The following CSE1L variants were observed in gnomAD, a reference collection of about 807,000 sequenced individuals.
CSE1L encodes the protein chromosome segregation 1 like.
CSE1L carries 24 observed loss-of-function variants against 120.4 expected under a neutral mutation model. That is an observed-to-expected ratio of 0.20 (90% CI 0.14 to 0.28). The LOEUF (loss-of-function observed/expected upper bound fraction) is 0.28. Among genes scored for constraint, CSE1L ranks in the 10% least tolerant of loss-of-function variants. The pLI, the probability that CSE1L is intolerant of heterozygous loss-of-function variation, is 1.00. For synonymous variants in CSE1L, 402 were observed against 398.3 expected (o/e 1.01, Z -0.11); for missense variants, 830 against 1,145.2 (o/e 0.72, Z 3.97).
intron 19 of CSE1L, 136 bp from the exon 20 acceptor site, chr20:49,090,606 A>T: frequency 1.5e-6 from 1 of 686,270 alleles, no homozygotes; most frequent in Non-Finnish European, 2.5e-6. Context: ...ATTGTTCCCC[A>T]TATGTTTCAG....
At chr20:49,092,004 C>T (rs1311574209) in intron 21 of CSE1L, 42 bp from the exon 22 acceptor site, 9 of 1,078,200 alleles carry the variant, frequency 8.3e-6, no homozygotes, top group Middle Eastern at 2.0e-4. Flanking sequence ...CAGTTTAGTG[C>T]GTGAGTTCTC....
At chr20:49,092,782 G>T (rs1390256683) in intron 22 of CSE1L, among the ~76,000 whole-genome samples, 2 of 151,530 alleles carry the variant, frequency 1.3e-5, no homozygotes, top group African/African-American at 4.8e-5. Flanking sequence ...AAACCTGCAC[G>T]TTGTGCACAT....
chr20:49,070,082 A>G (rs1033562564), intron 7 of CSE1L, 123 bp from the exon 8 acceptor site: 8 of 536,196 alleles, frequency 1.5e-5, no homozygotes, highest in Non-Finnish European at 2.3e-5. Flanking sequence ...TCTTGTCAGA[A>G]TAGGTAATGC....
At chr20:49,048,350 T>C (rs1568757997) in intron 1 of CSE1L, among the ~76,000 whole-genome samples, 1 of 152,284 alleles carries the variant, frequency 6.6e-6, no homozygotes, top group East Asian at 1.9e-4. Context: ...ATTTGTTTCT[T>C]TATTCATTTA....
intron 21 of CSE1L, among the ~76,000 whole-genome samples, 155 bp from the exon 22 acceptor site, chr20:49,091,891 A>G (rs1374575310): frequency 6.6e-6 from 1 of 152,242 alleles, no homozygotes; most frequent in African/African-American, 2.4e-5. Flanking sequence ...AAGGTCTATG[A>G]CAGAAAGACA....
intron 16 of CSE1L, among the ~76,000 whole-genome samples, chr20:49,085,645 C>T (rs2092050591): frequency 7.7e-6 from 1 of 130,262 alleles, no homozygotes. Flanking sequence ...GATCTCAGCT[C>T]ACTGCCACCT....
At position 49,075,371 on chromosome 20, in the gene CSE1L, T is replaced by G. The variant is rs1478307790; in HGVS notation, c.1186T>G (p.Phe396Val). The change falls in exon 12 of 25, where the codon TTT becomes GTT. Residue 396 changes from phenylalanine (F) to valine (V), a missense_variant. Physicochemically the swap from Phe to Val is conservative, Grantham distance 50. Transcript: ENST00000262982. ...TGATCTGGTACGAGGATTATGCAAG[T>G]TTTTTGAGGGACCTGTGACAGGAAT... ...ACDLVRGLCK[F>V]FEGPVTGIFS... is the part of the protein sequence containing the mutation. 3.1e-6 allele frequency: 5 copies of G among 1,613,970 alleles called. No individual in the cohort carries two copies. Among genetic ancestry groups the G allele is most frequent in the Non-Finnish European group, 4.2e-6 (5 of 1,180,000 alleles).
Position 49,088,054 on chromosome 20 carries a change from A to G in CSE1L, c.1769A>G (p.Tyr590Cys). The change falls in exon 17 of 25, where the codon TAC becomes TGC. Residue 590 changes from tyrosine (Y) to cysteine (C), a missense_variant. Coordinates refer to ENST00000262982, the MANE Select transcript of CSE1L (RefSeq NM_001316.4). Reference protein sequence around the residue: ...FSLLQEAIIPYIPTLITQLTQ... With the variant: ...FSLLQEAIIPCIPTLITQLTQ... The stretch of plus-strand genomic sequence containing the variant: ...CTCCTACAAGAAGCCATAATCCCCT[A>G]CATCCCTACTCTCATCACTCAGCTT... The G allele has an allele frequency of 1.9e-6, 3 of 1,612,972 alleles. No individual in the cohort carries two copies. Among genetic ancestry groups the G allele is most frequent in the Non-Finnish European group, 1.7e-6 (2 of 1,179,526 alleles).
chr20:49,093,370 T>C (rs2092115520), intron 22 of CSE1L, among the ~76,000 whole-genome samples: 1 of 152,100 alleles, frequency 6.6e-6, no homozygotes, highest in African/African-American at 2.4e-5. Context: ...CATTTAGAAT[T>C]ACGGAAAACT....
In CSE1L at chr20:49,078,634, T is replaced by C. The variant is rs1290179097; in HGVS notation, c.1482+12T>C. On this transcript the variant is annotated intron_variant, in intron 14 of 24. Coordinates refer to ENST00000262982, the MANE Select transcript of CSE1L (RefSeq NM_001316.4). ...TTTTTAGAAATCAAGTAAGTAGCTT[T>C]TTATTTGTTACACGCCACTTAATCT... The C allele has an allele frequency of 1.3e-6, 2 of 1,528,622 alleles. No individual in the cohort carries two copies. Among genetic ancestry groups the C allele is most frequent in the Non-Finnish European group, 1.8e-6 (2 of 1,122,452 alleles). 94.7% of individuals were successfully genotyped at this position (1,528,622 alleles called of 1,614,324 possible).
intron 10 of CSE1L, 101 bp from the exon 11 acceptor site, chr20:49,074,684 G>T: frequency 1.2e-6 from 1 of 833,092 alleles, no homozygotes; most frequent in Non-Finnish European, 1.9e-6. Flanking sequence ...CGAATTCTTT[G>T]CTGTAGAACA....
intron 1 of CSE1L, among the ~76,000 whole-genome samples, chr20:49,055,429 A>C (rs866559286): frequency 6.6e-6 from 1 of 152,194 alleles, no homozygotes; most frequent in Non-Finnish European, 1.5e-5. Flanking sequence ...TTTTAAAAAT[A>C]AATGGGTCCC....
rs2092143042 is a variant in CSE1L at position 49,096,593 on chromosome 20, G to T, written c.*155G>T. 1 of 640,978 alleles carries T rather than the reference G, an allele frequency of 1.6e-6. No individual in the cohort carries two copies. The highest frequency in any genetic ancestry group is 2.7e-6 in the Non-Finnish European group (1 of 368,710). 39.7% of individuals were successfully genotyped at this position (640,978 alleles called of 1,614,324 possible). On this transcript the variant is annotated 3_prime_UTR_variant, in exon 25 of 25. Coordinates refer to ENST00000262982, the MANE Select transcript of CSE1L (RefSeq NM_001316.4). ...TAAATGTTGCTTTAACCTGAACCTTGAGCAAATTAGTTGGTTTGTGTGATC... is the reference window on the plus strand; with the variant it reads ...TAAATGTTGCTTTAACCTGAACCTTTAGCAAATTAGTTGGTTTGTGTGATC...
chr20:49,081,702 C>T lies in CSE1L; in HGVS notation c.1483-2324C>T, dbSNP rs1036208897. Among the ~76,000 whole-genome samples, 5 of 152,052 alleles carry T rather than the reference C, an allele frequency of 3.3e-5. No homozygotes were observed. In the East Asian group the frequency reaches 7.7e-4, roughly 23 times the overall value. On this transcript the variant is annotated intron_variant, in intron 14 of 24. Transcript: ENST00000262982. ...ATTATTGGTCTTAATTTTTAGAGAA[C>T]GTGTAGTTTTTCTTCTGATTCTGAA...
chr20:49,092,162 A>G, intron 22 of CSE1L, 35 bp downstream of exon 22: 1 of 1,291,550 alleles, frequency 7.7e-7, no homozygotes, highest in Non-Finnish European at 1.1e-6. Context: ...AAAGGAAGAA[A>G]ATGTTTTGAC....
intron 24 of CSE1L, chr20:49,096,131 C>G: frequency 1.4e-6 from 1 of 692,084 alleles, no homozygotes; most frequent in Non-Finnish European, 2.6e-6. Context: ...CACAATACCA[C>G]TATCACACCT....
intron 7 of CSE1L, 119 bp from the exon 8 acceptor site, chr20:49,070,086 G>A: frequency 1.8e-6 from 1 of 546,164 alleles, no homozygotes; most frequent in East Asian, 3.2e-5. Context: ...GTCAGAATAG[G>A]TAATGCTCAG....
chr20:49,095,945 T>C (rs370853284), intron 24 of CSE1L, among the ~76,000 whole-genome samples: 10 of 152,140 alleles, frequency 6.6e-5, no homozygotes, highest in African/African-American at 1.2e-4. Flanking sequence ...TTCAAACATA[T>C]ATAGAAAGAG....
chr20:49,086,011 T>C (rs2092053735), intron 16 of CSE1L, among the ~76,000 whole-genome samples: 1 of 150,636 alleles, frequency 6.6e-6, no homozygotes, highest in Admixed American at 6.6e-5. Flanking sequence ...AGGGGTGAAA[T>C]GTGGGTGCCT....
Sources: gnomAD v4.1 joint callset for allele counts (sites outside exome capture counted in the v4.1 genomes callset) on GRCh38, gnomAD v4.1.1 for gene constraint, MANE v1.5 for transcripts, NCBI Gene and HGNC (gene_info 2026-07-23, HGNC 2026-07-21) for gene names.